The following PRKCA variants were observed in gnomAD, a reference collection of about 807,000 sequenced individuals.
PRKCA encodes the protein protein kinase C alpha type.
In PRKCA, 27 loss-of-function variants were observed where a neutral mutation model predicts 87.0. The observed-to-expected ratio is 0.31, with a 90% CI of 0.23 to 0.43. The LOEUF (loss-of-function observed/expected upper bound fraction) is 0.43, where lower values mean the gene tolerates loss of function less well. Ranked by LOEUF, PRKCA falls within the 20% of genes least tolerant of loss-of-function variation. The pLI is 1.00. For synonymous variants in PRKCA, 329 were observed against 311.1 expected (o/e 1.06, Z -0.61); for missense variants, 518 against 852.3 (o/e 0.61, Z 4.88).
At chr17:66,736,183 T>C (rs556360850) in intron 10 of PRKCA, among the ~76,000 whole-genome samples, 4 of 151,430 alleles carry the variant, frequency 2.6e-5, no homozygotes, top group African/African-American at 9.7e-5. Context: ...TGCCTGGCCT[T>C]AATTCAGCAA....
intron 4 of PRKCA, among the ~76,000 whole-genome samples, chr17:66,644,535 C>CT (rs1971399793): frequency 1.3e-5 from 2 of 152,048 alleles, no homozygotes; most frequent in South Asian, 2.1e-4. Flanking sequence ...TAATACTGAT[C>CT]TTTTTTTATC....
At chr17:66,736,122 TC>T (rs1974019995) in intron 10 of PRKCA, among the ~76,000 whole-genome samples, 1 of 151,584 alleles carries the variant, frequency 6.6e-6, no homozygotes, top group African/African-American at 2.4e-5. Flanking sequence ...GCTCAAACGA[TC>T]CCCCTACGTT....
chr17:66,680,423 CT>C (rs1972457902), intron 5 of PRKCA, among the ~76,000 whole-genome samples: 1 of 151,940 alleles, frequency 6.6e-6, no homozygotes. Flanking sequence ...TTGTTTTTGG[CT>C]TTTAAGTAGA....
At chr17:66,765,422 A>ATATATC (rs1448631970) in intron 13 of PRKCA, among the ~76,000 whole-genome samples, 6 of 102,580 alleles carry the variant, frequency 5.8e-5, no homozygotes, top group Non-Finnish European at 1.2e-4. Flanking sequence ...CTTTGTCTAT[A>ATATATC]TATATATATA....
At chr17:66,387,674 A>G (rs2143620014) in intron 2 of PRKCA, among the ~76,000 whole-genome samples, 1 of 152,318 alleles carries the variant, frequency 6.6e-6, no homozygotes, top group African/African-American at 2.4e-5. Context: ...GTGTCCCTGA[A>G]AGTCCCCTGG....
In PRKCA at chr17:66,408,961, A is replaced by G. The variant is rs548117757; in HGVS notation, c.206-87240A>G. Among the ~76,000 whole-genome samples, 325 of 147,620 alleles carry G rather than the reference A, an allele frequency of 2.2e-3. 1 individual carries two copies. The highest frequency in any genetic ancestry group is 7.7e-3 in the African/African-American group (308 of 40,230). Reference sequence around the variant, plus strand: ...CAGCTACTTAGGAGGCTGAGGCAGGAGAATCGCTTGAACCCGGGAGGCGGA... The same window carrying G: ...CAGCTACTTAGGAGGCTGAGGCAGGGGAATCGCTTGAACCCGGGAGGCGGA... On this transcript the variant is annotated intron_variant, in intron 2 of 16. Coordinates refer to ENST00000413366, the MANE Select transcript of PRKCA (RefSeq NM_002737.3).
chr17:66,464,862 A>T (rs1338514129), intron 2 of PRKCA, among the ~76,000 whole-genome samples: 1 of 152,212 alleles, frequency 6.6e-6, no homozygotes, highest in Non-Finnish European at 1.5e-5. Context: ...GTTTTTAATT[A>T]TAATGAAATC....
chr17:66,622,041 A>AAAC (rs111914315), intron 3 of PRKCA, among the ~76,000 whole-genome samples: 145,997 of 151,704 alleles, frequency 0.96, 70,291 homozygotes, highest in East Asian at 0.99. Context: ...ATCCATTTAA[A>AAAC]AACAACAACA....
chr17:66,771,448 C>T (rs1181963072), intron 13 of PRKCA, among the ~76,000 whole-genome samples: 1 of 152,106 alleles, frequency 6.6e-6, no homozygotes, highest in South Asian at 2.1e-4. Context: ...AACAAACTGA[C>T]CACAAAATAG....
chr17:66,493,901 G>C (rs906109514), intron 2 of PRKCA, among the ~76,000 whole-genome samples: 3 of 152,298 alleles, frequency 2.0e-5, no homozygotes, highest in South Asian at 4.1e-4. Context: ...TATGCAAGAG[G>C]CTTCTAATGA....
chr17:66,775,008 C>T (rs1346002962), intron 14 of PRKCA: 16 of 985,306 alleles, frequency 1.6e-5, no homozygotes, highest in East Asian at 2.3e-4. Flanking sequence ...CAGGGTGAAT[C>T]GTACTATCTG....
intron 2 of PRKCA, among the ~76,000 whole-genome samples, chr17:66,359,374 A>G (rs940143308): frequency 5.9e-5 from 9 of 152,200 alleles, no homozygotes; most frequent in Non-Finnish European, 1.0e-4. Context: ...AAAAAAAATT[A>G]TCAGTTTCTT....
chr17:66,368,535 C>T (rs976100478), intron 2 of PRKCA, among the ~76,000 whole-genome samples: 3 of 150,796 alleles, frequency 2.0e-5, no homozygotes, highest in Non-Finnish European at 3.0e-5. Flanking sequence ...GGACTACAGG[C>T]ATACACCACC....
intron 3 of PRKCA, among the ~76,000 whole-genome samples, chr17:66,525,742 A>G (rs1326961980): frequency 1.3e-5 from 2 of 152,184 alleles, no homozygotes; most frequent in Non-Finnish European, 2.9e-5. Context: ...TGACTCAGTA[A>G]TATCAGAAGT....
intron 8 of PRKCA, among the ~76,000 whole-genome samples, chr17:66,710,682 C>T (rs1174376936): frequency 6.6e-6 from 1 of 152,050 alleles, no homozygotes; most frequent in Admixed American, 6.6e-5. Flanking sequence ...AATGCCATGT[C>T]TTAATCACCC....
chr17:66,303,170 G>C (rs904624785), intron 1 of PRKCA, 146 bp downstream of exon 1: 2 of 1,127,190 alleles, frequency 1.8e-6, no homozygotes, highest in Non-Finnish European at 2.4e-6. Context: ...GGAGTGACAC[G>C]CGCGCCCGGC....
chr17:66,372,492 C>T (rs905956263), intron 2 of PRKCA, among the ~76,000 whole-genome samples: 3 of 152,114 alleles, frequency 2.0e-5, no homozygotes, highest in African/African-American at 7.2e-5. Flanking sequence ...GATAGTCTCA[C>T]GCAAAATTTA....
At chr17:66,694,476 G>T (rs1243163030) in intron 8 of PRKCA, among the ~76,000 whole-genome samples, 6 of 84,280 alleles carry the variant, frequency 7.1e-5, no homozygotes, top group African/African-American at 2.6e-4. Flanking sequence ...GCGAGACTCT[G>T]TCTCAAAAAA....
intron 4 of PRKCA, among the ~76,000 whole-genome samples, chr17:66,644,504 G>A (rs1489235663): frequency 6.6e-6 from 1 of 152,008 alleles, no homozygotes; most frequent in East Asian, 1.9e-4. Context: ...TTCTTTTCAG[G>A]GTTTCTTTGG....
Sources: allele counts gnomAD v4.1 joint callset (sites outside exome capture counted in the v4.1 genomes callset), GRCh38; gene constraint gnomAD v4.1.1; transcripts MANE v1.5; gene names NCBI Gene and HGNC (gene_info 2026-07-23, HGNC 2026-07-21).